NPR1: variants seen among roughly 807,000 people sequenced by gnomAD.
NPR1 encodes natriuretic peptide receptor 1, also known as atrial natriuretic peptide receptor 1.
NPR1 carries 57 observed loss-of-function variants against 116.9 expected under a neutral mutation model. The observed-to-expected ratio is 0.49, with a 90% CI of 0.39 to 0.61. The LOEUF is 0.61. Ranked by LOEUF, NPR1 falls within the 20% of genes least tolerant of loss-of-function variation. NPR1 has a pLI of 0.00. For missense variants in NPR1, 1,096 were observed against 1,409.8 expected (o/e 0.78, Z 3.56); for synonymous variants, 555 against 601.6 (o/e 0.92, Z 1.13).
intron 15 of NPR1, chr1:153,688,722 A>G (rs997724027): frequency 1.6e-5 from 9 of 576,214 alleles, no homozygotes; most frequent in Non-Finnish European, 2.8e-5. Flanking sequence ...ACAAAGATGA[A>G]CAAAATGTCC....
In NPR1 at chr1:153,683,734, C is replaced by T; in HGVS notation, c.1400-6C>T. The T allele has an allele frequency of 1.2e-6, 2 of 1,613,968 alleles. No homozygotes were observed. Among genetic ancestry groups the T allele is most frequent in the Non-Finnish European group, 1.7e-6 (2 of 1,179,854 alleles). Reference sequence around the variant, plus strand: ...CTCTTGCTGCAATATGGACTCTCTCCTGCAGATCACCTTTCCACCCTGGAG... The same window carrying T: ...CTCTTGCTGCAATATGGACTCTCTCTTGCAGATCACCTTTCCACCCTGGAG... On this transcript the variant is annotated splice_polypyrimidine_tract_variant and splice_region_variant and intron_variant, in intron 6 of 21. Transcript: ENST00000368680.
intron 20 of NPR1, among the ~76,000 whole-genome samples, chr1:153,691,166 C>T (rs1475405760): frequency 6.6e-6 from 1 of 152,164 alleles, no homozygotes; most frequent in African/African-American, 2.4e-5. Flanking sequence ...ATGTCTACCA[C>T]ATAATTGTCA....
Position 153,681,283 on chromosome 1 carries a change from A to C in NPR1, c.1025A>C (p.Glu342Ala). ...LAYEQFNFTMEDGLVNTIPAS... is the reference protein window; with the variant it reads ...LAYEQFNFTMADGLVNTIPAS... ...TATGAGCAGTTCAACTTCACCATGG[A>C]GGATGGCCTGGTAAGAAGGGGTCCC... Residue 342 changes from glutamate to alanine, a missense_variant, in exon 3 of 22, where the codon GAG becomes GCG. Physicochemically the swap from Glu to Ala is moderately radical, Grantham distance 107. Transcript: ENST00000368680. The C allele has an allele frequency of 6.2e-7, 1 of 1,605,088 alleles. No homozygotes were observed.
rs1669950220 is a variant in NPR1 at position 153,687,000 on chromosome 1, C to T, written c.1864-16C>T. The T allele has an allele frequency of 1.2e-6, 2 of 1,613,892 alleles. No homozygotes were observed. The highest frequency in any genetic ancestry group is 3.3e-4 in the Middle Eastern group (2 of 6,060). On this transcript the variant is annotated splice_polypyrimidine_tract_variant and intron_variant, in intron 11 of 21. Coordinates refer to ENST00000368680, the MANE Select transcript of NPR1 (RefSeq NM_000906.4). ...GGATCTGCAGGGGATTGGTCTGACTCTTATTGCCCCAGCAGGACATTCTGG... is the reference window on the plus strand; with the variant it reads ...GGATCTGCAGGGGATTGGTCTGACTTTTATTGCCCCAGCAGGACATTCTGG...
intron 8 of NPR1, 74 bp from the exon 9 acceptor site, chr1:153,685,732 G>A: frequency 1.7e-6 from 2 of 1,154,254 alleles, no homozygotes; most frequent in Admixed American, 3.5e-5. Context: ...GGGAAATAAA[G>A]ACCAGAGCAC....
rs1459265276 is a variant in NPR1 at position 153,689,851 on chromosome 1, G to A, written c.2803G>A (p.Val935Met). ...DAYMVVSGLP[V>M]RNGRLHACEV... is the part of the protein sequence containing the mutation. ...CTACATGGTGGTGTCAGGGCTCCCTGTGCGGAACGGGCGGCTACACGCCTG... is the reference window on the plus strand; with the variant it reads ...CTACATGGTGGTGTCAGGGCTCCCTATGCGGAACGGGCGGCTACACGCCTG... The change falls in exon 19 of 22, where the codon GTG (valine) becomes ATG (methionine). Residue 935 changes from valine to methionine, a missense_variant. By Grantham distance (21) the Val-to-Met change is conservative. Transcript: ENST00000368680. The surrounding 1 kb of genome is among the most constrained non-coding windows in gnomAD (Gnocchi z 5.1). The A allele has an allele frequency of 6.3e-7, 1 of 1,593,484 alleles. No individual in the cohort carries two copies. The highest frequency in any genetic ancestry group is 8.6e-7 in the Non-Finnish European group (1 of 1,167,278).
rs190185802 is a variant in NPR1, at chr1:153,681,175, C to T, written c.922-5C>T. On this transcript the variant is annotated splice_region_variant and splice_polypyrimidine_tract_variant and intron_variant, in intron 2 of 21. Coordinates refer to ENST00000368680, the MANE Select transcript of NPR1 (RefSeq NM_000906.4). ...CTCTCTGCTCTCCACTGACCCCTTT[C>T]TCAGGCTGCCAAAATCATTACATAT... 32 of 1,587,384 alleles carry T rather than the reference C, an allele frequency of 2.0e-5. No homozygotes were observed. The East Asian group carries it at 6.5e-4, about 32-fold the overall frequency.
At chr1:153,691,444 G>T (rs967984549) in intron 20 of NPR1, among the ~76,000 whole-genome samples, 1 of 152,166 alleles carries the variant, frequency 6.6e-6, no homozygotes, top group African/African-American at 2.4e-5. Flanking sequence ...AAATTCATGT[G>T]GACCCCATCT....
chr1:153,682,373 C>T, intron 4 of NPR1, 125 bp from the exon 5 acceptor site: 1 of 706,630 alleles, frequency 1.4e-6, no homozygotes, highest in East Asian at 2.7e-5. Flanking sequence ...TTACCATTTA[C>T]TATCATTCTG....
chr1:153,681,887 C>A (rs1421662210), intron 4 of NPR1, 48 bp downstream of exon 4: 1 of 1,600,604 alleles, frequency 6.2e-7, no homozygotes, highest in South Asian at 1.1e-5. Flanking sequence ...GGGATGAATC[C>A]CAGGTGCCCA....
chr1:153,685,152 G>A (rs775876841), intron 8 of NPR1, 68 bp downstream of exon 8: 3 of 1,576,744 alleles, frequency 1.9e-6, no homozygotes, highest in South Asian at 1.1e-5. Context: ...AGTGCCTGAG[G>A]GATAGGTAAG....
intron 3 of NPR1, 166 bp from the exon 4 acceptor site, chr1:153,681,538 C>T: frequency 1.4e-6 from 1 of 725,428 alleles, no homozygotes; most frequent in Non-Finnish European, 2.3e-6. Context: ...GGAAGTGATG[C>T]TAATCCAAAG....
In NPR1 at chr1:153,693,499, G is replaced by T; in HGVS notation, c.*85G>T. 1.6e-6 allele frequency: 2 copies of T among 1,219,574 alleles called. No individual in the cohort carries two copies. Among genetic ancestry groups the T allele is most frequent in the South Asian group, 2.9e-5 (2 of 69,780 alleles). The allele number at this position is 1,219,574 out of a possible 1,614,324, so 75.5% of individuals were successfully genotyped here. ...CCAGGCCTCAGCCTCACCCACAGCA[G>T]CCCCATCGCCAAAGGATGGAAGTAA... On this transcript the variant is annotated 3_prime_UTR_variant, in exon 22 of 22. Transcript: ENST00000368680.
intron 3 of NPR1, 99 bp downstream of exon 3, chr1:153,681,392 C>T (rs1669777230): frequency 1.4e-6 from 1 of 723,884 alleles, no homozygotes. Context: ...TTCTCCCCTT[C>T]CTTCCCTCCC....
Position 153,688,061 on chromosome 1 carries a change from G to T in NPR1, c.2257G>T (p.Glu753Ter). Residue 753 changes from glutamate to a stop codon, truncating the protein, a stop_gained, in exon 15 of 22, where the codon GAG (glutamate) becomes TAG (stop). Transcript: ENST00000368680. LOFTEE classifies it high-confidence loss of function. Reference protein sequence around the residue: ...GLDLSPKEIIERVTRGEQPPF... With the variant: ...GLDLSPKEII The stretch of plus-strand genomic sequence containing the variant: ...CTACCCCCCCAATACAGAGATCATC[G>T]AGCGGGTGACTCGGGGTGAGCAGCC... 6.2e-7 allele frequency: 1 copy of T among 1,606,680 alleles called. No individual in the cohort carries two copies. Among genetic ancestry groups the T allele is most frequent in the South Asian group, 1.1e-5 (1 of 90,388 alleles).
In NPR1 at chr1:153,679,356, G is replaced by A. The variant is rs933349346; in HGVS notation, c.248G>A (p.Gly83Asp). The change falls in exon 1 of 22, where the codon GGC (glycine) becomes GAC (aspartate). Residue 83 changes from glycine (G) to aspartate (D), a missense_variant. Coordinates refer to ENST00000368680, the MANE Select transcript of NPR1 (RefSeq NM_000906.4). The surrounding 1 kb of genome is among the most constrained non-coding windows in gnomAD (Gnocchi z 4.2). ...GGCTGGACGGTCCGCACGGTGCTGG[G>A]CAGCAGCGAAAACGCGCTGGGCGTC... ...LPGWTVRTVL[G>D]SSENALGVCS... 17 of 1,539,564 alleles carry A rather than the reference G, an allele frequency of 1.1e-5. No homozygotes were observed. The highest frequency in any genetic ancestry group is 1.5e-5 in the Non-Finnish European group (17 of 1,148,536).
chr1:153,680,201 C>A (rs1669724742), intron 1 of NPR1, among the ~76,000 whole-genome samples: 1 of 148,630 alleles, frequency 6.7e-6, no homozygotes, highest in African/African-American at 2.5e-5. Flanking sequence ...TCTCCCTCCT[C>A]TCTCCCTCCT....
At position 153,689,141 on chromosome 1, in the gene NPR1, CT is replaced by C; in HGVS notation, c.2564+43del. On this transcript the variant is annotated intron_variant, in intron 16 of 21. Coordinates refer to ENST00000368680, the MANE Select transcript of NPR1 (RefSeq NM_000906.4). This position sits in a 1 kb window ranked among gnomAD's most constrained non-coding sequence, Gnocchi z 5.1. The stretch of plus-strand genomic sequence containing the variant: ...GGGGACCCCCCCCAACACAAAGCCC[CT>C]GTCCCGACCCCCAACTCTGATCCTG... 6.2e-7 allele frequency: 1 copy of C among 1,614,166 alleles called. No homozygotes were observed. Among genetic ancestry groups the C allele is most frequent in the South Asian group, 1.1e-5 (1 of 91,092 alleles).
chr1:153,688,091 T>C lies in NPR1; in HGVS notation c.2287T>C (p.Phe763Leu), dbSNP rs2101736946. The C allele has an allele frequency of 6.2e-7, 1 of 1,612,826 alleles. No individual in the cohort carries two copies. The highest frequency in any genetic ancestry group is 8.5e-7 in the Non-Finnish European group (1 of 1,179,364). The change falls in exon 15 of 22, where the codon TTC becomes CTC. Residue 763 changes from phenylalanine to leucine, a missense_variant. Phe to Leu is a conservative substitution (Grantham distance 22, BLOSUM62 0). Transcript: ENST00000368680. ...GGTGACTCGGGGTGAGCAGCCCCCCTTCCGGCCCTCCCTGGCCCTGCAGAG... is the reference window on the plus strand; with the variant it reads ...GGTGACTCGGGGTGAGCAGCCCCCCCTCCGGCCCTCCCTGGCCCTGCAGAG... ...ERVTRGEQPP[F>L]RPSLALQSHL... is the part of the protein sequence containing the mutation.
Sources: allele counts gnomAD v4.1 joint callset (sites outside exome capture counted in the v4.1 genomes callset), GRCh38; gene constraint gnomAD v4.1.1; non-coding constraint Gnocchi (gnomAD v3.1); transcripts MANE v1.5; gene names NCBI Gene and HGNC (gene_info 2026-07-23, HGNC 2026-07-21).